MTERF2: variants seen among roughly 807,000 people sequenced by gnomAD.
The protein encoded by MTERF2 is transcription termination factor 2, mitochondrial.
In MTERF2, 23 loss-of-function variants were observed where a neutral mutation model predicts 29.2. The observed-to-expected ratio is 0.79, with a 90% CI of 0.57 to 1.12. The LOEUF is 1.12. Among genes scored for constraint, MTERF2 ranks in the 50% most tolerant of loss-of-function variants. MTERF2 has a pLI of 0.00. For missense variants in MTERF2, 440 were observed against 429.4 expected (o/e 1.02, Z -0.22); for synonymous variants, 157 against 159.5 (o/e 0.98, Z 0.12).
At chr12:106,983,886 T>C (rs574725742) in intron 2 of MTERF2, among the ~76,000 whole-genome samples, 5 of 152,190 alleles carry the variant, frequency 3.3e-5, no homozygotes, top group African/African-American at 1.2e-4. Flanking sequence ...CAGACCATCC[T>C]CAAACCAGCT....
chr12:106,982,421 T>C (rs979209778), intron 2 of MTERF2, among the ~76,000 whole-genome samples: 6 of 152,248 alleles, frequency 3.9e-5, no homozygotes, highest in Non-Finnish European at 8.8e-5. Context: ...TCGTCTTTAC[T>C]AGTTAATCTG....
In MTERF2 at chr12:106,977,539, G is replaced by GCAA. The variant is rs747634538; in HGVS notation, c.*15_*17dup. On this transcript the variant is annotated 3_prime_UTR_variant, in exon 3 of 3. Transcript: ENST00000240050. ...TTTCACCCTGCACTGCTAGAAAGAA[G>GCAA]CAACAACAGTCAGTATGTCATTCTT... 73 of 1,583,494 alleles carry GCAA rather than the reference G, an allele frequency of 4.6e-5. No homozygotes were observed. The Admixed American group carries it at 1.3e-3, about 28-fold the overall frequency.
At chr12:106,985,963 A>C (rs1952110324) in intron 1 of MTERF2, 1 of 152,134 alleles carries the variant, frequency 6.6e-6, no homozygotes, top group Non-Finnish European at 1.5e-5. Context: ...CACGCTCACA[A>C]CATTTCGCAA....
rs1449517235 is a variant in MTERF2 at position 106,978,531 on chromosome 12, T to G, written c.184A>C (p.Ile62Leu). Reference protein sequence around the residue: ...LYKCSVDIRKIRRLKGWVLLE... With the variant: ...LYKCSVDIRKLRRLKGWVLLE... The stretch of plus-strand genomic sequence containing the variant: ...AGTACCCATCCTTTTAATCTACGAA[T>G]TTTCCTAATGTCAACTGAACATTTA... Residue 62 changes from isoleucine (I) to leucine (L), a missense_variant, in exon 3 of 3, where the codon ATT (isoleucine) becomes CTT (leucine). Ile to Leu is a conservative substitution (Grantham distance 5, BLOSUM62 2). Coordinates refer to ENST00000240050, the MANE Select transcript of MTERF2 (RefSeq NM_001033050.3). 2.5e-6 allele frequency: 4 copies of G among 1,614,118 alleles called. No homozygotes were observed.
At position 106,978,376 on chromosome 12, in the gene MTERF2, G is replaced by A. The variant is rs764256713; in HGVS notation, c.339C>T (p.Asn113=). 1 of 1,614,204 alleles carries A rather than the reference G, an allele frequency of 6.2e-7. No individual in the cohort carries two copies. The highest frequency in any genetic ancestry group is 1.7e-5 in the Admixed American group (1 of 60,024). Residue 113 remains asparagine (N), a synonymous_variant, in exon 3 of 3, where the codon AAC becomes AAT. Transcript: ENST00000240050. ...EAIVCSPTAV[N]TQRKLWQLVC... ...CCAACTGCCAGAGTTTTCTCTGGGT[G>A]TTAACAGCGGTTGGACTACAGACAA...
Position 106,978,564 on chromosome 12 carries a change from T to C in MTERF2, c.151A>G (p.Lys51Glu). ...SSKENTRTVE[K>E]LYKCSVDIRK... ...ATGTCAACTGAACATTTATAGAGCTTTTCCACTGTTCTTGTATTTTCTTTG... is the reference window on the plus strand; with the variant it reads ...ATGTCAACTGAACATTTATAGAGCTCTTCCACTGTTCTTGTATTTTCTTTG... The change falls in exon 3 of 3, where the codon AAG becomes GAG. Residue 51 changes from lysine (K) to glutamate (E), a missense_variant. Lys to Glu is a moderately conservative substitution (Grantham distance 56). Coordinates refer to ENST00000240050, the MANE Select transcript of MTERF2 (RefSeq NM_001033050.3). 4 of 1,614,238 alleles carry C rather than the reference T, an allele frequency of 2.5e-6. No individual in the cohort carries two copies. Among genetic ancestry groups the C allele is most frequent in the Non-Finnish European group, 3.4e-6 (4 of 1,180,038 alleles).
rs971103650 is a variant in MTERF2, at chr12:106,978,910, T to A, written c.-57-139A>T. On this transcript the variant is annotated intron_variant, in intron 2 of 2. Coordinates refer to ENST00000240050, the MANE Select transcript of MTERF2 (RefSeq NM_001033050.3). The stretch of plus-strand genomic sequence containing the variant: ...GAAAACTGCTCATGTGGAATATTTT[T>A]AAAAATCTTCCTAAATAAGGATTGC... The A allele has an allele frequency of 3.4e-5, 17 of 505,728 alleles. No individual in the cohort carries two copies. In the Admixed American group the frequency reaches 4.5e-4, roughly 13 times the overall value. The allele number at this position is 505,728 out of a possible 1,614,324, so 31.3% of individuals were successfully genotyped here. A position where few individuals can be genotyped will look rare whatever the true frequency, so the allele number is the denominator to read the frequency against.
rs1350722280 is a variant in MTERF2, at chr12:106,977,357, A to G, written c.*200T>C. On this transcript the variant is annotated 3_prime_UTR_variant, in exon 3 of 3. Coordinates refer to ENST00000240050, the MANE Select transcript of MTERF2 (RefSeq NM_001033050.3). ...ATAATGGTTCAAGGTAAAAGTTACCAACCTTATTAAAATAAATATGATTTA... is the reference window on the plus strand; with the variant it reads ...ATAATGGTTCAAGGTAAAAGTTACCGACCTTATTAAAATAAATATGATTTA... 2.2e-6 allele frequency: 1 copy of G among 463,552 alleles called. No individual in the cohort carries two copies. The highest frequency in any genetic ancestry group is 2.0e-5 in the African/African-American group (1 of 49,406). 28.7% of individuals were successfully genotyped at this position (463,552 alleles called of 1,614,324 possible). A position where few individuals can be genotyped will look rare whatever the true frequency, so the allele number is the denominator to read the frequency against.
At chr12:106,982,453 C>CA (rs1352505098) in intron 2 of MTERF2, among the ~76,000 whole-genome samples, 3 of 152,174 alleles carry the variant, frequency 2.0e-5, no homozygotes, top group African/African-American at 7.2e-5. Context: ...CTCTGATGAG[C>CA]AAACACAACT....
At chr12:106,982,066 T>C (rs542643860) in intron 2 of MTERF2, among the ~76,000 whole-genome samples, 2 of 152,346 alleles carry the variant, frequency 1.3e-5, no homozygotes, top group East Asian at 3.9e-4. Context: ...TTAGCCTCAC[T>C]GTGCAGGAGC....
rs942596512 is a variant in MTERF2 at position 106,978,312 on chromosome 12, G to C, written c.403C>G (p.Gln135Glu). 4.3e-6 allele frequency: 7 copies of C among 1,614,142 alleles called. No individual in the cohort carries two copies. In the African/African-American group the frequency reaches 6.7e-5, roughly 15 times the overall value. ...NEEELIKLIEQFPESFFTIKD... is the reference protein window; with the variant it reads ...NEEELIKLIEEFPESFFTIKD... ...ATAGTAAAGAAAGATTCTGGAAACT[G>C]CTCTATTAACTTGATTAACTCTTCC... is the stretch of plus-strand genomic sequence containing the variant. Residue 135 changes from glutamine (Q) to glutamate (E), a missense_variant, in exon 3 of 3, where the codon CAG (glutamine) becomes GAG (glutamate). Transcript: ENST00000240050.
At chr12:106,985,870 C>T (rs1397872016) in intron 1 of MTERF2, 5 of 152,258 alleles carry the variant, frequency 3.3e-5, no homozygotes, top group Admixed American at 3.3e-4. Context: ...TCTGCTAAAA[C>T]AACACTTCTT....
In MTERF2 at chr12:106,978,362, A is replaced by G. The variant is rs374509082; in HGVS notation, c.353T>C (p.Leu118Pro). ...CTCATTTTTGCAGACCAACTGCCAG[A>G]GTTTTCTCTGGGTGTTAACAGCGGT... ...SPTAVNTQRK[L>P]WQLVCKNEEE... Residue 118 changes from leucine (L) to proline (P), a missense_variant, in exon 3 of 3, where the codon CTC (leucine) becomes CCC (proline). By Grantham distance (98) the Leu-to-Pro change is moderately conservative. Transcript: ENST00000240050. The G allele has an allele frequency of 1.1e-5, 18 of 1,614,122 alleles. No homozygotes were observed. In the African/African-American group the frequency reaches 2.1e-4, roughly 19 times the overall value.
In MTERF2 at chr12:106,977,339, T is replaced by C. The variant is rs1255280994; in HGVS notation, c.*218A>G. 2.4e-6 allele frequency: 1 copy of C among 424,024 alleles called. No homozygotes were observed. Among genetic ancestry groups the C allele is most frequent in the Non-Finnish European group, 4.1e-6 (1 of 243,372 alleles). The allele number at this position is 424,024 out of a possible 1,614,324, so 26.3% of individuals were successfully genotyped here. A position where few individuals can be genotyped will look rare whatever the true frequency, so the allele number is the denominator to read the frequency against. On this transcript the variant is annotated 3_prime_UTR_variant, in exon 3 of 3. Coordinates refer to ENST00000240050, the MANE Select transcript of MTERF2 (RefSeq NM_001033050.3). The stretch of plus-strand genomic sequence containing the variant: ...AGTATATGAGTTTTTGAAATAATGG[T>C]TCAAGGTAAAAGTTACCAACCTTAT...
At chr12:106,981,992 T>C (rs1952057706) in intron 2 of MTERF2, among the ~76,000 whole-genome samples, 1 of 152,218 alleles carries the variant, frequency 6.6e-6, no homozygotes, top group Admixed American at 6.5e-5. Context: ...CATGATGATG[T>C]GTGACCTGAA....
In MTERF2 at chr12:106,978,406, T is replaced by G. The variant is rs1407523210; in HGVS notation, c.309A>C (p.Glu103Asp). ...AVASILERCP[E>D]AIVCSPTAVN... ...CAGCGGTTGGACTACAGACAATTGCTTCCGGGCAGCGTTCCAAAATACTGG... is the reference window on the plus strand; with the variant it reads ...CAGCGGTTGGACTACAGACAATTGCGTCCGGGCAGCGTTCCAAAATACTGG... Residue 103 changes from glutamate to aspartate, a missense_variant, in exon 3 of 3, where the codon GAA becomes GAC. By Grantham distance (45) the Glu-to-Asp change is conservative. Transcript: ENST00000240050. The G allele has an allele frequency of 6.2e-7, 1 of 1,614,128 alleles. No homozygotes were observed. Among genetic ancestry groups the G allele is most frequent in the African/African-American group, 1.3e-5 (1 of 74,942 alleles).
Position 106,978,665 on chromosome 12 carries a change from A to G in MTERF2, c.50T>C (p.Phe17Ser). Residue 17 changes from phenylalanine (F) to serine (S), a missense_variant, in exon 3 of 3, where the codon TTC becomes TCC. By Grantham distance (155) the Phe-to-Ser change is radical. Transcript: ENST00000240050. ...TTTTGGAGGTGATCGCATCTTTCTG[A>G]AAGAACACAGCCTGCAGGACTGGGA... is the stretch of plus-strand genomic sequence containing the variant. ...LRSQSCRLCS[F>S]RKMRSPPKYR... The G allele has an allele frequency of 6.2e-7, 1 of 1,614,188 alleles. No individual in the cohort carries two copies. The highest frequency in any genetic ancestry group is 8.5e-7 in the Non-Finnish European group (1 of 1,180,022).
chr12:106,982,132 C>T (rs1204382174), intron 2 of MTERF2, among the ~76,000 whole-genome samples: 3 of 152,100 alleles, frequency 2.0e-5, no homozygotes, highest in East Asian at 1.9e-4. Flanking sequence ...TTTAATGATC[C>T]GTCATTCTGT....
intron 2 of MTERF2, among the ~76,000 whole-genome samples, chr12:106,981,349 C>T (rs192084034): frequency 6.6e-6 from 1 of 152,330 alleles, no homozygotes; most frequent in East Asian, 1.9e-4. Context: ...CTAAGCCTTA[C>T]AGGAAAACTG....
Sources: allele counts gnomAD v4.1 joint callset (sites outside exome capture counted in the v4.1 genomes callset), GRCh38; gene constraint gnomAD v4.1.1; transcripts MANE v1.5; gene names NCBI Gene and HGNC (gene_info 2026-07-23, HGNC 2026-07-21).